PARD3: variants seen among roughly 807,000 people sequenced by gnomAD.
PARD3 encodes partitioning defective 3 homolog.
In PARD3, 75 loss-of-function variants were observed where a neutral mutation model predicts 155.4. That is an observed-to-expected ratio of 0.48 (90% CI 0.40 to 0.58). The LOEUF (loss-of-function observed/expected upper bound fraction) is 0.58, where lower values mean the gene tolerates loss of function less well. Ranked by LOEUF, PARD3 falls within the 20% of genes least tolerant of loss-of-function variation. The probability of loss-of-function intolerance (pLI) is 0.00; values close to 1 mark genes in which losing one functional copy is unlikely to be tolerated. For synonymous variants in PARD3, 576 were observed against 610.5 expected (o/e 0.94, Z 0.83); for missense variants, 1,642 against 1,721.7 (o/e 0.95, Z 0.82).
intron 4 of PARD3, among the ~76,000 whole-genome samples, chr10:34,465,666 T>C (rs1047523409): frequency 2.0e-5 from 3 of 152,236 alleles, no homozygotes; most frequent in Admixed American, 1.3e-4. Context: ...AGAATCTCTT[T>C]TGGAAACTTG....
chr10:34,381,420 G>T (rs1475127620), intron 9 of PARD3, among the ~76,000 whole-genome samples: 2 of 152,138 alleles, frequency 1.3e-5, no homozygotes, highest in Non-Finnish European at 2.9e-5. Flanking sequence ...AATGGATCAG[G>T]AACAGTAAAA....
At chr10:34,547,663 C>G (rs1564831742) in intron 2 of PARD3, among the ~76,000 whole-genome samples, 1 of 152,166 alleles carries the variant, frequency 6.6e-6, no homozygotes, top group Non-Finnish European at 1.5e-5. Context: ...AGTGCGCTTT[C>G]CTTTTCTTCC....
chr10:34,389,831 T>C (rs1006662044), intron 7 of PARD3, among the ~76,000 whole-genome samples: 2 of 150,108 alleles, frequency 1.3e-5, no homozygotes, highest in Non-Finnish European at 3.0e-5. Context: ...TAAATCTTAA[T>C]TTTTTTTTTA....
At chr10:34,687,844 A>ATTTTTT (rs1564509050) in intron 2 of PARD3, among the ~76,000 whole-genome samples, 3 of 57,362 alleles carry the variant, frequency 5.2e-5, no homozygotes, top group South Asian at 5.1e-4. Flanking sequence ...TACACCTGAA[A>ATTTTTT]TCTTTTTTTT....
At chr10:34,244,031 G>T (rs1211874581) in intron 22 of PARD3, among the ~76,000 whole-genome samples, 1 of 152,138 alleles carries the variant, frequency 6.6e-6, no homozygotes, top group Non-Finnish European at 1.5e-5. Context: ...CAAATTCTCA[G>T]TGCTTAAGTT....
At chr10:34,340,314 T>C (rs1309737447) in intron 16 of PARD3, among the ~76,000 whole-genome samples, 1 of 152,214 alleles carries the variant, frequency 6.6e-6, no homozygotes, top group Non-Finnish European at 1.5e-5. Flanking sequence ...GAACACTGCG[T>C]CTATCTAATC....
intron 2 of PARD3, among the ~76,000 whole-genome samples, chr10:34,598,180 G>C (rs1171807668): frequency 6.6e-6 from 1 of 152,178 alleles, no homozygotes; most frequent in East Asian, 1.9e-4. Flanking sequence ...CACTGAAGAA[G>C]AGAAGGAATT....
At chr10:34,191,738 T>C (rs1464942396) in intron 22 of PARD3, among the ~76,000 whole-genome samples, 2 of 152,134 alleles carry the variant, frequency 1.3e-5, no homozygotes, top group African/African-American at 4.8e-5. Context: ...CTGGCCCCGC[T>C]GAAGAGACAG....
At chr10:34,556,385 CTTT>C (rs5784421) in intron 2 of PARD3, among the ~76,000 whole-genome samples, 12 of 137,364 alleles carry the variant, frequency 8.7e-5, no homozygotes, top group Non-Finnish European at 6.2e-5. Context: ...TTTCTTCTTT[CTTT>C]TTTTTTTTTT....
chr10:34,123,428 GT>G (rs887239960), intron 23 of PARD3, among the ~76,000 whole-genome samples: 25 of 149,528 alleles, frequency 1.7e-4, no homozygotes, highest in East Asian at 1.4e-3. Context: ...ATTTTCCACA[GT>G]TTTTTTTTTA....
chr10:34,738,443 G>T (rs187410261), intron 1 of PARD3, among the ~76,000 whole-genome samples: 21 of 152,354 alleles, frequency 1.4e-4, no homozygotes, highest in Non-Finnish European at 2.9e-4. Flanking sequence ...TCCCCCCAAA[G>T]TGCTGGGGTT....
intron 3 of PARD3, among the ~76,000 whole-genome samples, chr10:34,475,869 A>T (rs2078674545): frequency 6.6e-6 from 1 of 152,140 alleles, no homozygotes; most frequent in South Asian, 2.1e-4. Context: ...ATTTTTAATA[A>T]ACTCTCTGCC....
In PARD3 at chr10:34,271,382, A is replaced by T. The variant is rs181977210; in HGVS notation, c.3177-1483T>A. On this transcript the variant is annotated intron_variant, in intron 21 of 24. Transcript: ENST00000374788. ...TGACCAAATGGTGTTTACTGCAAAAATTCAAGCCTGGTTCAATATTCAAAA... is the reference window on the plus strand; with the variant it reads ...TGACCAAATGGTGTTTACTGCAAAATTTCAAGCCTGGTTCAATATTCAAAA... Among the ~76,000 whole-genome samples, 199 of 152,290 alleles carry T rather than the reference A, an allele frequency of 1.3e-3. 1 individual carries two copies. The highest frequency in any genetic ancestry group is 4.6e-3 in the African/African-American group (190 of 41,568).
intron 1 of PARD3, among the ~76,000 whole-genome samples, chr10:34,805,459 G>A (rs1588844724): frequency 1.3e-5 from 2 of 151,618 alleles, no homozygotes; most frequent in Non-Finnish European, 2.9e-5. Context: ...AAGATTGGGA[G>A]AATGTTGACT....
chr10:34,757,314 A>G (rs1046023034), intron 1 of PARD3, among the ~76,000 whole-genome samples: 1 of 152,258 alleles, frequency 6.6e-6, no homozygotes, highest in Non-Finnish European at 1.5e-5. Flanking sequence ...TGGTTAACAG[A>G]AAGTTGCAAA....
At chr10:34,544,519 C>T (rs1229631404) in intron 2 of PARD3, among the ~76,000 whole-genome samples, 1 of 152,148 alleles carries the variant, frequency 6.6e-6, no homozygotes, top group Non-Finnish European at 1.5e-5. Context: ...TAACACCTGC[C>T]TTTATAATAC....
intron 2 of PARD3, among the ~76,000 whole-genome samples, chr10:34,526,608 A>AC (rs2082502063): frequency 6.6e-6 from 1 of 152,066 alleles, no homozygotes; most frequent in African/African-American, 2.4e-5. Context: ...TAGTCTTTTT[A>AC]CCTCTTCAGC....
chr10:34,301,812 TC>T (rs1957159651), intron 20 of PARD3, among the ~76,000 whole-genome samples: 18 of 100,170 alleles, frequency 1.8e-4, no homozygotes, highest in Non-Finnish European at 3.2e-4. Flanking sequence ...TTGTTCTTTC[TC>T]CTTTCTTTTT....
intron 20 of PARD3, among the ~76,000 whole-genome samples, chr10:34,309,193 A>G (rs572106295): frequency 7.2e-5 from 11 of 152,290 alleles, no homozygotes; most frequent in South Asian, 2.1e-4. Flanking sequence ...GAGAGTAAGT[A>G]GGGCTAAGAG....
Sources: allele counts gnomAD v4.1 joint callset (sites outside exome capture counted in the v4.1 genomes callset), GRCh38; gene constraint gnomAD v4.1.1; transcripts MANE v1.5; gene names NCBI Gene and HGNC (gene_info 2026-07-23, HGNC 2026-07-21).